The following FARP1 variants were observed in gnomAD, a reference collection of about 807,000 sequenced individuals.
FARP1 encodes the protein FERM, ARHGEF and pleckstrin domain-containing protein 1.
Under a neutral mutation model 128.8 loss-of-function variants are expected in FARP1, and 52 were observed. The ratio of observed to expected loss-of-function variants is 0.40; its 90% confidence interval spans 0.32 to 0.51. FARP1 has a LOEUF of 0.51. Among genes scored for constraint, FARP1 ranks in the 20% least tolerant of loss-of-function variants. The pLI, the probability that FARP1 is intolerant of heterozygous loss-of-function variation, is 0.45. For missense variants in FARP1, 1,333 were observed against 1,367.9 expected (o/e 0.97, Z 0.40); for synonymous variants, 580 against 551.8 (o/e 1.05, Z -0.72).
intron 2 of FARP1, among the ~76,000 whole-genome samples, chr13:98,314,786 G>A (rs898636510): frequency 1.3e-5 from 2 of 152,140 alleles, no homozygotes; most frequent in South Asian, 4.1e-4. Flanking sequence ...GTGGTCCTGC[G>A]GGACGCATTT....
rs79412388 is a variant in FARP1, at chr13:98,447,014, C to T, written c.3056+197C>T. The T allele has an allele frequency of 6.6e-3, 3,848 of 579,408 alleles. 71 individuals are homozygous for T. Among genetic ancestry groups the T allele is most frequent in the South Asian group, 0.035 (1,707 of 49,236 alleles). 35.9% of individuals were successfully genotyped at this position (579,408 alleles called of 1,614,324 possible). ...AGAAAGTGGGGTCCCAACTTCCCTG[C>T]GCCCTTACCCTGCACGGTGTTGGCT... On this transcript the variant is annotated intron_variant, in intron 26 of 26. Transcript: ENST00000319562.
chr13:98,368,037 T>C, intron 4 of FARP1, 80 bp from the exon 5 acceptor site: 1 of 1,136,832 alleles, frequency 8.8e-7, no homozygotes, highest in East Asian at 2.4e-5. Context: ...GCATTATTTG[T>C]ATTTGTAAAG....
chr13:98,161,302 A>G (rs550044464), intron 1 of FARP1, among the ~76,000 whole-genome samples: 4 of 146,812 alleles, frequency 2.7e-5, no homozygotes, highest in African/African-American at 1.0e-4. Context: ...TGCAACCTCC[A>G]TCTCCTGGGT....
chr13:98,237,273 C>T (rs1882478160), intron 2 of FARP1, among the ~76,000 whole-genome samples: 1 of 150,796 alleles, frequency 6.6e-6, no homozygotes, highest in Non-Finnish European at 1.5e-5. Context: ...CATTGTACTC[C>T]AGCCTGGGCA....
At chr13:98,191,320 C>A (rs551566568) in intron 1 of FARP1, among the ~76,000 whole-genome samples, 1 of 152,302 alleles carries the variant, frequency 6.6e-6, no homozygotes, top group African/African-American at 2.4e-5. Context: ...TTGAACTGGG[C>A]TTCAGAATAT....
At chr13:98,390,438 G>T in intron 10 of FARP1, 1 of 430,924 alleles carries the variant, frequency 2.3e-6, no homozygotes, top group African/African-American at 2.0e-5. Context: ...TGTTATTGGT[G>T]AACTTTTCCA....
Position 98,292,758 on chromosome 13 carries a change from G to A in FARP1, c.172-51004G>A, listed in dbSNP as rs79553626. The stretch of plus-strand genomic sequence containing the variant: ...AGCCCAAAGCCTGAGGGTAGGAGAT[G>A]CTAAGAGACTTGAAGAAAATCTTGT... On this transcript the variant is annotated intron_variant, in intron 2 of 26. Transcript: ENST00000319562. Among the ~76,000 whole-genome samples the A allele has an allele frequency of 1.6e-4, 24 of 152,212 alleles. No individual in the cohort carries two copies. The East Asian group carries it at 4.4e-3, about 28-fold the overall frequency.
chr13:98,176,156 G>C lies in FARP1; in HGVS notation c.-24+32664G>C. ...CTCCCCAGTGTACATACAGACTTGA[G>C]TCTTTCTTATCTCTTTTTTCCTAAA... On this transcript the variant is annotated intron_variant, in intron 1 of 26. Coordinates refer to ENST00000319562, the MANE Select transcript of FARP1 (RefSeq NM_005766.4). This position sits in a 1 kb window ranked among gnomAD's most constrained non-coding sequence, Gnocchi z 6.2. 1.2e-6 allele frequency: 2 copies of C among 1,607,238 alleles called. No homozygotes were observed. Among genetic ancestry groups the C allele is most frequent in the Non-Finnish European group, 1.7e-6 (2 of 1,174,178 alleles).
At chr13:98,228,215 C>A (rs1213599917) in intron 2 of FARP1, among the ~76,000 whole-genome samples, 1 of 152,140 alleles carries the variant, frequency 6.6e-6, no homozygotes, top group African/African-American at 2.4e-5. Flanking sequence ...AAAGAATTAG[C>A]TGGGCATGGT....
chr13:98,276,830 C>A (rs549743192), intron 2 of FARP1, among the ~76,000 whole-genome samples: 2 of 152,308 alleles, frequency 1.3e-5, no homozygotes, highest in African/African-American at 4.8e-5. Context: ...GAGTCCTCCA[C>A]CCCTGCCACC....
rs372313152 is a variant in FARP1 at position 98,193,150 on chromosome 13, C to T, written c.-23-20070C>T. Among the ~76,000 whole-genome samples the T allele has an allele frequency of 1.6e-4, 24 of 152,030 alleles. No individual in the cohort carries two copies. In the East Asian group the frequency reaches 2.9e-3, roughly 18 times the overall value. On this transcript the variant is annotated intron_variant, in intron 1 of 26. Transcript: ENST00000319562. The stretch of plus-strand genomic sequence containing the variant: ...TAGGCTCACTGCAACATCTGTCTCC[C>T]GGGTTCAAGCGATTCTTCTGCCTCA...
intron 16 of FARP1, among the ~76,000 whole-genome samples, chr13:98,417,715 G>C (rs753259216): frequency 5.3e-5 from 8 of 152,180 alleles, no homozygotes; most frequent in South Asian, 4.1e-4. Context: ...CTGCTGTCAG[G>C]AGTTTCACAG....
chr13:98,301,243 T>G (rs1371125778), intron 2 of FARP1, among the ~76,000 whole-genome samples: 1 of 152,210 alleles, frequency 6.6e-6, no homozygotes, highest in Non-Finnish European at 1.5e-5. Context: ...CTGGCCACTT[T>G]AATGCACTTT....
Position 98,453,110 on chromosome 13 carries a change from T to C in FARP1, c.*4793T>C, listed in dbSNP as rs1289819106. On this transcript the variant is annotated 3_prime_UTR_variant, in exon 27 of 27. Transcript: ENST00000319562. ...GTCAGCGAAGGCTCTCGTTGACTTT[T>C]AAAAAAGGAGGAGGATGAAGAAGGA... The C allele has an allele frequency of 1.3e-6, 2 of 1,596,468 alleles. No individual in the cohort carries two copies. The highest frequency in any genetic ancestry group is 4.5e-5 in the East Asian group (2 of 44,782).
At position 98,287,721 on chromosome 13, in the gene FARP1, TA is replaced by T. The variant is rs202032709; in HGVS notation, c.172-56032del. On this transcript the variant is annotated intron_variant, in intron 2 of 26. Transcript: ENST00000319562. The stretch of plus-strand genomic sequence containing the variant: ...TTTAATTCTCTTCATGCATAATCTT[TA>T]AAAAAAAATCCAATATGATGTTTTG... 3.3e-5 allele frequency among the ~76,000 whole-genome samples: 5 copies of T among 151,320 alleles called. No individual in the cohort carries two copies. The East Asian group carries it at 5.8e-4, about 18-fold the overall frequency.
intron 3 of FARP1, among the ~76,000 whole-genome samples, chr13:98,357,945 A>C (rs1306663377): frequency 6.6e-6 from 1 of 152,178 alleles, no homozygotes; most frequent in Non-Finnish European, 1.5e-5. Flanking sequence ...CCCGACTACT[A>C]AAGCGTGACT....
intron 1 of FARP1, among the ~76,000 whole-genome samples, chr13:98,197,690 A>C (rs1879651790): frequency 6.6e-6 from 1 of 151,274 alleles, no homozygotes; most frequent in Non-Finnish European, 1.5e-5. Context: ...GCTGGAGTGC[A>C]GTGGCGCGAT....
chr13:98,170,966 G>A (rs1463409132), intron 1 of FARP1, among the ~76,000 whole-genome samples: 2 of 152,154 alleles, frequency 1.3e-5, no homozygotes, highest in African/African-American at 4.8e-5. Context: ...TCTTTAAAAT[G>A]ATGAAGCAGC....
rs554308952 is a variant in FARP1, at chr13:98,278,305, T to A, written c.171+64892T>A. Among the ~76,000 whole-genome samples the A allele has an allele frequency of 1.3e-4, 19 of 150,706 alleles. No individual in the cohort carries two copies. In the South Asian group the frequency reaches 3.1e-3, roughly 25 times the overall value. On this transcript the variant is annotated intron_variant, in intron 2 of 26. Coordinates refer to ENST00000319562, the MANE Select transcript of FARP1 (RefSeq NM_005766.4). ...ATGTGTGTATGTATGTGTGTGTGTG[T>A]GAGAGTATACTGCAAGTGTGTGTAT...
Sources: gnomAD v4.1 joint callset for allele counts (sites outside exome capture counted in the v4.1 genomes callset) on GRCh38, gnomAD v4.1.1 for gene constraint, Gnocchi (gnomAD v3.1) non-coding constraint, MANE v1.5 for transcripts, NCBI Gene and HGNC (gene_info 2026-07-23, HGNC 2026-07-21) for gene names.